Variants in GRIP1 observed in about 807,000 individuals in gnomAD.
GRIP1 encodes glutamate receptor interacting protein 1, also known as glutamate receptor-interacting protein 1.
Under a neutral mutation model 129.9 loss-of-function variants are expected in GRIP1, and 45 were observed. The ratio of observed to expected loss-of-function variants is 0.35; its 90% CI spans 0.27 to 0.44. The LOEUF is 0.44. Among genes scored for constraint, GRIP1 ranks in the 20% least tolerant of loss-of-function variants. GRIP1 has a pLI of 1.00. For missense variants in GRIP1, 1,196 were observed against 1,396.8 expected (o/e 0.86, Z 2.29); for synonymous variants, 530 against 520.8 (o/e 1.02, Z -0.24).
At chr12:66,699,613 C>T (rs2035281555) in intron 1 of GRIP1, among the ~76,000 whole-genome samples, 1 of 152,160 alleles carries the variant, frequency 6.6e-6, no homozygotes, top group Non-Finnish European at 1.5e-5. Context: ...ACTGTGAGTT[C>T]ATTAAGCCTC....
chr12:66,371,787 C>T lies in GRIP1; in HGVS notation c.2919G>A (p.Leu973=). 2.5e-6 allele frequency: 4 copies of T among 1,614,072 alleles called. No individual in the cohort carries two copies. The highest frequency in any genetic ancestry group is 1.1e-5 in the South Asian group (1 of 91,078). The change falls in exon 23 of 25, where the codon CTG becomes CTA. Residue 973 remains leucine, a synonymous_variant. Transcript: ENST00000359742. ...HYSQTTRSNT[L]PSDVGRKSVT... is the part of the protein sequence containing the mutation. Reference sequence around the variant, plus strand: ...CTGACTTCCTACCCACATCTGAAGGCAGGGTGTTGCTCCGAGTTGTTTGGC... The same window carrying T: ...CTGACTTCCTACCCACATCTGAAGGTAGGGTGTTGCTCCGAGTTGTTTGGC...
intron 1 of GRIP1, among the ~76,000 whole-genome samples, chr12:66,997,963 A>G (rs562032735): frequency 6.6e-6 from 1 of 152,180 alleles, no homozygotes; most frequent in African/African-American, 2.4e-5. Context: ...TCATTTAAAA[A>G]AAATCCAAAA....
chr12:66,555,155 AGG>A (rs903823138), intron 2 of GRIP1, among the ~76,000 whole-genome samples: 16 of 152,360 alleles, frequency 1.1e-4, no homozygotes, highest in African/African-American at 3.8e-4. Context: ...TAGTGGCCAC[AGG>A]GGTGCATGTG....
intron 1 of GRIP1, among the ~76,000 whole-genome samples, chr12:66,676,611 G>A (rs2034345707): frequency 6.6e-6 from 1 of 151,870 alleles, no homozygotes; most frequent in Non-Finnish European, 1.5e-5. Context: ...TGTGCTAAAT[G>A]TCTGGAAGAG....
chr12:66,360,271 C>T (rs1444157841), intron 23 of GRIP1, among the ~76,000 whole-genome samples: 1 of 151,858 alleles, frequency 6.6e-6, no homozygotes, highest in Non-Finnish European at 1.5e-5. Context: ...AATAATTAAT[C>T]ATGCCCACTG....
chr12:66,914,054 G>A (rs1017548244), intron 1 of GRIP1, among the ~76,000 whole-genome samples: 2 of 152,106 alleles, frequency 1.3e-5, no homozygotes, highest in African/African-American at 4.8e-5. Context: ...CGCTATCCCT[G>A]TTTAACCAAT....
chr12:66,730,721 A>C (rs1018801381), intron 1 of GRIP1, among the ~76,000 whole-genome samples: 14 of 151,104 alleles, frequency 9.3e-5, no homozygotes, highest in Non-Finnish European at 1.9e-4. Flanking sequence ...AAAAAAAAAA[A>C]CTCATACATG....
intron 1 of GRIP1, among the ~76,000 whole-genome samples, chr12:66,821,282 C>A (rs934646955): frequency 6.6e-6 from 1 of 152,056 alleles, no homozygotes; most frequent in African/African-American, 2.4e-5. Context: ...TTTTATTTAA[C>A]ATTGTTTTTT....
At chr12:66,905,349 G>A (rs1050822905) in intron 1 of GRIP1, among the ~76,000 whole-genome samples, 1 of 152,050 alleles carries the variant, frequency 6.6e-6, no homozygotes, top group Non-Finnish European at 1.5e-5. Flanking sequence ...TGTGAGGTGT[G>A]AGTGCCTAGT....
At chr12:67,065,095 T>C (rs1169751463) in intron 1 of GRIP1, 1 of 152,042 alleles carries the variant, frequency 6.6e-6, no homozygotes. Flanking sequence ...TCATTTTTTA[T>C]GGCTGCATAG....
intron 1 of GRIP1, among the ~76,000 whole-genome samples, chr12:66,794,046 A>AT (rs2038625320): frequency 6.6e-6 from 1 of 152,194 alleles, no homozygotes; most frequent in Non-Finnish European, 1.5e-5. Flanking sequence ...AATCTTATAA[A>AT]GTATAAACAC....
chr12:67,067,566 G>T (rs958371336), intron 1 of GRIP1, among the ~76,000 whole-genome samples: 2 of 152,100 alleles, frequency 1.3e-5, no homozygotes, highest in African/African-American at 4.8e-5. Flanking sequence ...GTAGACGTAA[G>T]GTCACCTGCC....
At chr12:66,701,444 A>G (rs2035349201) in intron 1 of GRIP1, among the ~76,000 whole-genome samples, 1 of 152,240 alleles carries the variant, frequency 6.6e-6, no homozygotes, top group Non-Finnish European at 1.5e-5. Context: ...AGTAAAAAAA[A>G]GTAAATCCTC....
rs546531921 is a variant in GRIP1, at chr12:66,546,405, A to T, written c.137-4455T>A. 3.9e-5 allele frequency among the ~76,000 whole-genome samples: 6 copies of T among 152,050 alleles called. No individual in the cohort carries two copies. In the South Asian group the frequency reaches 1.2e-3, roughly 32 times the overall value. On this transcript the variant is annotated intron_variant, in intron 2 of 24. Coordinates refer to ENST00000359742, the MANE Select transcript of GRIP1 (RefSeq NM_001366722.1). Reference sequence around the variant, plus strand: ...CTCAGGAGGCTGAGGCAGTAGGATCACTTGAGCCTGGGAGGTCAAGGCTGC... The same window carrying T: ...CTCAGGAGGCTGAGGCAGTAGGATCTCTTGAGCCTGGGAGGTCAAGGCTGC...
At chr12:66,950,859 T>C (rs115327900) in intron 1 of GRIP1, among the ~76,000 whole-genome samples, 2,224 of 152,304 alleles carry the variant, frequency 0.015, 55 homozygotes, top group African/African-American at 0.051. Context: ...GGTTGGTCAT[T>C]ATATTCATCC....
At chr12:66,490,429 C>A (rs907594668) in intron 7 of GRIP1, among the ~76,000 whole-genome samples, 4 of 152,066 alleles carry the variant, frequency 2.6e-5, no homozygotes, top group Non-Finnish European at 4.4e-5. Flanking sequence ...TAGCCATAGG[C>A]AGAAAATTGA....
chr12:66,781,213 C>A (rs17827198), intron 1 of GRIP1, among the ~76,000 whole-genome samples: 2 of 152,120 alleles, frequency 1.3e-5, no homozygotes, highest in Admixed American at 1.3e-4. Context: ...AAGGGTTCCC[C>A]TTTCAAAAGA....
intron 19 of GRIP1, among the ~76,000 whole-genome samples, chr12:66,386,095 G>T (rs1284112381): frequency 6.6e-6 from 1 of 152,052 alleles, no homozygotes; most frequent in Non-Finnish European, 1.5e-5. Flanking sequence ...TAAAAAATAG[G>T]TCTTTATTTG....
chr12:66,733,466 C>G (rs1051763177), intron 1 of GRIP1, among the ~76,000 whole-genome samples: 1 of 152,112 alleles, frequency 6.6e-6, no homozygotes, highest in African/African-American at 2.4e-5. Flanking sequence ...GGATGTAACT[C>G]TTTCCTTTGC....
Sources: allele counts gnomAD v4.1 joint callset (sites outside exome capture counted in the v4.1 genomes callset), GRCh38; gene constraint gnomAD v4.1.1; transcripts MANE v1.5; gene names NCBI Gene and HGNC (gene_info 2026-07-23, HGNC 2026-07-21).